The following CALCR variants were observed in gnomAD, a reference collection of about 807,000 sequenced individuals.
The protein encoded by CALCR is calcitonin receptor.
In CALCR, 47 loss-of-function variants were observed where a neutral mutation model predicts 59.5. The ratio of observed to expected loss-of-function variants is 0.79; its 90% CI spans 0.63 to 1.01. The LOEUF (loss-of-function observed/expected upper bound fraction) is 1.01, where lower values mean the gene tolerates loss of function less well. Among genes scored for constraint, CALCR ranks in the 50% least tolerant of loss-of-function variants. The pLI, the probability that CALCR is intolerant of heterozygous loss-of-function variation, is 0.00. For missense variants in CALCR, 566 were observed against 597.1 expected, an observed-to-expected ratio of 0.95 and a Z score of 0.54; for synonymous variants, 213 against 211.3, an observed-to-expected ratio of 1.01 and a Z score of -0.07.
intron 2 of CALCR, among the ~76,000 whole-genome samples, chr7:93,548,326 C>G (rs1211287365): frequency 1.3e-5 from 2 of 152,142 alleles, no homozygotes; most frequent in Admixed American, 1.3e-4. Flanking sequence ...CTCTAATGAC[C>G]AGTTAACAAA....
At chr7:93,507,680 G>A (rs551115836) in intron 2 of CALCR, among the ~76,000 whole-genome samples, 1 of 151,092 alleles carries the variant, frequency 6.6e-6, no homozygotes, top group Non-Finnish European at 1.5e-5. Context: ...GGCCGAGGTG[G>A]GTGGATCACG....
intron 2 of CALCR, among the ~76,000 whole-genome samples, chr7:93,508,465 T>G (rs1221004161): frequency 6.6e-6 from 1 of 152,198 alleles, no homozygotes; most frequent in Non-Finnish European, 1.5e-5. Flanking sequence ...AGAATTACTT[T>G]TATATGCAGT....
At chr7:93,550,401 T>A (rs971794470) in intron 2 of CALCR, among the ~76,000 whole-genome samples, 4 of 137,466 alleles carry the variant, frequency 2.9e-5, no homozygotes, top group African/African-American at 1.1e-4. Flanking sequence ...TGAGGCAGAA[T>A]CACTTGAACC....
intron 7 of CALCR, among the ~76,000 whole-genome samples, chr7:93,466,147 G>A (rs567407220): frequency 2.6e-5 from 4 of 151,778 alleles, no homozygotes; most frequent in Non-Finnish European, 4.4e-5. Context: ...TCAACCCTGC[G>A]AATATAGAAT....
intron 2 of CALCR, among the ~76,000 whole-genome samples, chr7:93,553,003 C>T (rs10488554): frequency 0.28 from 42,531 of 152,058 alleles, 7,191 homozygotes; most frequent in South Asian, 0.38. Context: ...AAAACAACAA[C>T]GTATCCATCT....
At chr7:93,505,484 A>C (rs1801406220) in intron 2 of CALCR, among the ~76,000 whole-genome samples, 1 of 152,202 alleles carries the variant, frequency 6.6e-6, no homozygotes, top group African/African-American at 2.4e-5. Context: ...GGGAGGAGAA[A>C]GAACTTGTCC....
rs570272239 is a variant in CALCR, at chr7:93,518,024, A to C, written c.-26-31017T>G. Reference sequence around the variant, plus strand: ...CTTCTTCAGTCCCTACATCTAAATAAATTTCAGGTGGATAAAATAAGTAAA... The same window carrying C: ...CTTCTTCAGTCCCTACATCTAAATACATTTCAGGTGGATAAAATAAGTAAA... On this transcript the variant is annotated intron_variant, in intron 2 of 13. Transcript: ENST00000426151. 1.8e-4 allele frequency among the ~76,000 whole-genome samples: 27 copies of C among 152,052 alleles called. No homozygotes were observed. The South Asian group carries it at 5.2e-3, about 29-fold the overall frequency.
chr7:93,497,184 G>A (rs12113658), intron 2 of CALCR, among the ~76,000 whole-genome samples: 18,722 of 151,364 alleles, frequency 0.12, 2,500 homozygotes, highest in African/African-American at 0.32. Flanking sequence ...GATGATAGGG[G>A]AAACAGAATA....
intron 13 of CALCR, among the ~76,000 whole-genome samples, chr7:93,429,104 AT>A (rs2115656439): frequency 6.6e-6 from 1 of 152,322 alleles, no homozygotes; most frequent in East Asian, 1.9e-4. Context: ...GCCTTCTTTA[AT>A]TGCGTCCAAA....
At chr7:93,534,616 A>T (rs1788939081) in intron 2 of CALCR, among the ~76,000 whole-genome samples, 1 of 151,772 alleles carries the variant, frequency 6.6e-6, no homozygotes, top group African/African-American at 2.4e-5. Flanking sequence ...AAGCGTTTTT[A>T]TTTCTAATAG....
At position 93,425,136 on chromosome 7, in the gene CALCR, A is replaced by T. The variant is rs898814852; in HGVS notation, c.*1220T>A. 6.6e-6 allele frequency: 1 copy of T among 152,644 alleles called. No individual in the cohort carries two copies. The highest frequency in any genetic ancestry group is 2.4e-5 in the African/African-American group (1 of 41,458). The allele number at this position is 152,644 out of a possible 1,614,324, so 9.5% of individuals were successfully genotyped here. A position where few individuals can be genotyped will look rare whatever the true frequency, so the allele number is the denominator to read the frequency against. ...TTTATTCAGGATTTTCAAAAATCTT[A>T]TACTGGGAAGTAAAGAGAGATATGA... On this transcript the variant is annotated 3_prime_UTR_variant, in exon 14 of 14. Coordinates refer to ENST00000426151, the MANE Select transcript of CALCR (RefSeq NM_001742.4).
At chr7:93,550,102 T>C (rs781183941) in intron 2 of CALCR, among the ~76,000 whole-genome samples, 5 of 152,218 alleles carry the variant, frequency 3.3e-5, no homozygotes, top group Non-Finnish European at 5.9e-5. Context: ...TAATCAGCTT[T>C]ATTTTGAAAA....
intron 7 of CALCR, among the ~76,000 whole-genome samples, chr7:93,466,512 C>CT (rs746687933): frequency 2.0e-5 from 3 of 151,718 alleles, no homozygotes; most frequent in Non-Finnish European, 4.4e-5. Flanking sequence ...TTTTATACAG[C>CT]TTTTTTTGGT....
At chr7:93,550,684 GAAC>G (rs1256171856) in intron 2 of CALCR, among the ~76,000 whole-genome samples, 1 of 147,800 alleles carries the variant, frequency 6.8e-6, no homozygotes, top group East Asian at 2.0e-4. Context: ...TATCAGACAA[GAAC>G]AATATCTGAA....
chr7:93,486,108 T>C (rs1800938163), intron 3 of CALCR, among the ~76,000 whole-genome samples: 1 of 151,570 alleles, frequency 6.6e-6, no homozygotes, highest in South Asian at 2.1e-4. Context: ...CAGTATGAGA[T>C]ATTGAGTGAT....
At chr7:93,486,202 T>C (rs959823631) in intron 3 of CALCR, among the ~76,000 whole-genome samples, 4 of 151,552 alleles carry the variant, frequency 2.6e-5, no homozygotes, top group Admixed American at 2.0e-4. Flanking sequence ...CACATTGATT[T>C]ACGTAAAATT....
chr7:93,538,875 G>A (rs1789057676), intron 2 of CALCR, among the ~76,000 whole-genome samples: 1 of 152,086 alleles, frequency 6.6e-6, no homozygotes, highest in Non-Finnish European at 1.5e-5. Context: ...GAATACAACT[G>A]AGGAGGATCT....
intron 2 of CALCR, among the ~76,000 whole-genome samples, chr7:93,553,121 G>A (rs1270137233): frequency 3.3e-5 from 5 of 152,138 alleles, no homozygotes; most frequent in African/African-American, 1.2e-4. Context: ...ATCCAATTAT[G>A]GGTTATTTTA....
At position 93,424,616 on chromosome 7, in the gene CALCR, A is replaced by G. The variant is rs968924322; in HGVS notation, c.*1740T>C. 1 of 152,650 alleles carries G rather than the reference A, an allele frequency of 6.6e-6. No individual in the cohort carries two copies. The highest frequency in any genetic ancestry group is 2.4e-5 in the African/African-American group (1 of 41,462). The allele number at this position is 152,650 out of a possible 1,614,324, so 9.5% of individuals were successfully genotyped here. A position where few individuals can be genotyped will look rare whatever the true frequency, so the allele number is the denominator to read the frequency against. ...CATTTCACATAATTTGGGCAGAACT[A>G]TGTGCAATTCTATAATAAGCTATTT... On this transcript the variant is annotated 3_prime_UTR_variant, in exon 14 of 14. Transcript: ENST00000426151.
Sources: gnomAD v4.1 joint callset for allele counts (sites outside exome capture counted in the v4.1 genomes callset) on GRCh38, gnomAD v4.1.1 for gene constraint, MANE v1.5 for transcripts, NCBI Gene and HGNC (gene_info 2026-07-23, HGNC 2026-07-21) for gene names.